The following LRMDA variants were observed in gnomAD, a reference collection of about 807,000 sequenced individuals.
LRMDA encodes the protein leucine-rich melanocyte differentiation-associated protein.
LRMDA carries 18 observed loss-of-function variants against 29.8 expected under a neutral mutation model. That is an observed-to-expected ratio of 0.60 (90% CI 0.42 to 0.90). The LOEUF (loss-of-function observed/expected upper bound fraction) is 0.90, where lower values mean the gene tolerates loss of function less well. LRMDA is among the 40% of genes least tolerant of loss of function. The pLI, the probability that LRMDA is intolerant of heterozygous loss-of-function variation, is 0.00. For missense variants in LRMDA, 273 were observed against 273.9 expected (o/e 1.00, Z 0.02); for synonymous variants, 125 against 109.4 (o/e 1.14, Z -0.89).
At chr10:75,946,137 A>G (rs373277089) in intron 2 of LRMDA, among the ~76,000 whole-genome samples, 2 of 152,310 alleles carry the variant, frequency 1.3e-5, no homozygotes, top group African/African-American at 4.8e-5. Flanking sequence ...GTGGGCCATT[A>G]CTGGACTGCT....
chr10:75,647,721 G>A (rs1347628410), intron 2 of LRMDA: 1 of 152,134 alleles, frequency 6.6e-6, no homozygotes, highest in Non-Finnish European at 1.5e-5. Context: ...GACTTATAAA[G>A]GCACTGACTT....
At chr10:76,555,446 T>C (rs1330680082) in intron 6 of LRMDA, among the ~76,000 whole-genome samples, 4 of 152,106 alleles carry the variant, frequency 2.6e-5, no homozygotes, top group East Asian at 1.9e-4. Flanking sequence ...CATGGGAACA[T>C]GGCAGGAAGT....
At chr10:75,726,756 C>A (rs1160782644) in intron 2 of LRMDA, among the ~76,000 whole-genome samples, 1 of 152,204 alleles carries the variant, frequency 6.6e-6, no homozygotes, top group African/African-American at 2.4e-5. Flanking sequence ...ATGAGATAAG[C>A]CGGCCATGGC....
rs143413280 is a variant in LRMDA at position 75,652,600 on chromosome 10, C to T, written c.131+214106C>T. Among the ~76,000 whole-genome samples the T allele has an allele frequency of 7.9e-5, 12 of 152,300 alleles. No homozygotes were observed. The East Asian group carries it at 2.3e-3, about 29-fold the overall frequency. ...CTGTACTTTGTTTTAATCTTTGGGTCTAGAACTGACTTTCTCATAAAATGT... is the reference window on the plus strand; with the variant it reads ...CTGTACTTTGTTTTAATCTTTGGGTTTAGAACTGACTTTCTCATAAAATGT... On this transcript the variant is annotated intron_variant, in intron 2 of 6. Transcript: ENST00000611255.
intron 5 of LRMDA, among the ~76,000 whole-genome samples, chr10:76,183,354 A>T (rs953052862): frequency 6.6e-6 from 1 of 152,368 alleles, no homozygotes; most frequent in East Asian, 1.9e-4. Flanking sequence ...GGTTAATGAG[A>T]TATTTGCAAT....
intron 5 of LRMDA, among the ~76,000 whole-genome samples, chr10:76,303,184 A>G (rs116059532): frequency 6.6e-6 from 1 of 151,342 alleles, no homozygotes; most frequent in Non-Finnish European, 1.5e-5. Flanking sequence ...ATCAGGAGAT[A>G]AAAAGGAGTC....
intron 2 of LRMDA, among the ~76,000 whole-genome samples, chr10:75,698,769 G>C (rs1842270198): frequency 6.6e-6 from 1 of 151,982 alleles, no homozygotes; most frequent in Admixed American, 6.6e-5. Flanking sequence ...TCAAAAAGCA[G>C]AACCTTTATA....
intron 2 of LRMDA, among the ~76,000 whole-genome samples, chr10:75,864,274 A>G (rs1844983229): frequency 6.6e-6 from 1 of 152,206 alleles, no homozygotes; most frequent in African/African-American, 2.4e-5. Context: ...GAGATGATAT[A>G]ATAGATATGA....
intron 2 of LRMDA, among the ~76,000 whole-genome samples, chr10:75,652,111 C>G (rs1160285727): frequency 6.6e-6 from 1 of 152,230 alleles, no homozygotes; most frequent in Non-Finnish European, 1.5e-5. Flanking sequence ...GTCAGGTCCT[C>G]TTTCCTGGGC....
intron 2 of LRMDA, among the ~76,000 whole-genome samples, chr10:75,732,219 G>T (rs897432022): frequency 2.6e-5 from 4 of 152,124 alleles, no homozygotes; most frequent in African/African-American, 4.8e-5. Flanking sequence ...CTCAAATGTG[G>T]CTTTGGTGTA....
intron 2 of LRMDA, among the ~76,000 whole-genome samples, chr10:75,861,381 G>A (rs190827378): frequency 2.1e-4 from 32 of 152,256 alleles, no homozygotes; most frequent in Non-Finnish European, 4.3e-4. Context: ...AGACTCAAAT[G>A]GTCTGTTAAG....
chr10:75,687,352 A>C (rs1666038934), intron 2 of LRMDA, among the ~76,000 whole-genome samples: 1 of 152,228 alleles, frequency 6.6e-6, no homozygotes, highest in Non-Finnish European at 1.5e-5. Flanking sequence ...ATAAAAAGTG[A>C]AACAGCCTTA....
At chr10:75,697,365 A>G (rs576514074) in intron 2 of LRMDA, among the ~76,000 whole-genome samples, 137 of 150,246 alleles carry the variant, frequency 9.1e-4, no homozygotes, top group Non-Finnish European at 1.7e-3. Flanking sequence ...TTCAGACATT[A>G]GGGGAGAGTG....
At chr10:76,317,640 C>T (rs1201947664) in intron 5 of LRMDA, among the ~76,000 whole-genome samples, 1 of 152,214 alleles carries the variant, frequency 6.6e-6, no homozygotes, top group African/African-American at 2.4e-5. Flanking sequence ...GTGGCACATT[C>T]TCAGCTCACT....
chr10:76,333,821 C>G (rs1840934290), intron 6 of LRMDA, among the ~76,000 whole-genome samples: 1 of 152,192 alleles, frequency 6.6e-6, no homozygotes, highest in African/African-American at 2.4e-5. Context: ...GAGAAACATT[C>G]TGTTGCAAAC....
At chr10:75,510,767 CAGAAG>C (rs1433961384) in intron 2 of LRMDA, among the ~76,000 whole-genome samples, 1 of 151,994 alleles carries the variant, frequency 6.6e-6, no homozygotes, top group Admixed American at 6.6e-5. Context: ...GCCATGGAGG[CAGAAG>C]AGAAGTTAGT....
intron 6 of LRMDA, among the ~76,000 whole-genome samples, chr10:76,421,879 A>G (rs1842075116): frequency 1.3e-5 from 2 of 152,174 alleles, no homozygotes; most frequent in East Asian, 1.9e-4. Context: ...GAGTACAAAA[A>G]TTATAGGAAA....
At chr10:76,344,902 G>GAAA (rs202054799) in intron 6 of LRMDA, among the ~76,000 whole-genome samples, 14,367 of 130,320 alleles carry the variant, frequency 0.11, 821 homozygotes, top group East Asian at 0.33. Context: ...AATTTTAAGT[G>GAAA]AAAAAAAAAA....
intron 2 of LRMDA, among the ~76,000 whole-genome samples, chr10:76,005,621 G>A (rs1564628024): frequency 6.6e-6 from 1 of 150,508 alleles, no homozygotes. Flanking sequence ...AAATAAATAA[G>A]TAAATACCTA....
Sources: gnomAD v4.1 joint callset for allele counts (sites outside exome capture counted in the v4.1 genomes callset) on GRCh38, gnomAD v4.1.1 for gene constraint, MANE v1.5 for transcripts, NCBI Gene and HGNC (gene_info 2026-07-23, HGNC 2026-07-21) for gene names.